Variants in FPR2 observed in about 807,000 individuals in gnomAD.
FPR2 encodes N-formyl peptide receptor 2.
Under a neutral mutation model 4.0 loss-of-function variants are expected in FPR2, and 3 were observed. The observed-to-expected ratio is 0.74, with a 90% confidence interval of 0.34 to 1.92. FPR2 has a LOEUF of 1.92. FPR2 is among the 30% of genes most tolerant of loss of function. The probability of loss-of-function intolerance (pLI) is 0.07; values close to 1 mark genes in which losing one functional copy is unlikely to be tolerated. For missense variants in FPR2, 372 were observed against 435.7 expected (o/e 0.85, Z 1.30); for synonymous variants, 179 against 171.5 (o/e 1.04, Z -0.34).
chr19:51,764,638 T>C (rs2083859200), intron 1 of FPR2, among the ~76,000 whole-genome samples: 1 of 152,204 alleles, frequency 6.6e-6, no homozygotes, highest in South Asian at 2.1e-4. Context: ...TCAGAGATGA[T>C]AAAATATATA....
rs1424512055 is a variant in FPR2, at chr19:51,769,539, A to G, written c.881A>G (p.Asn294Ser). ...CCAACGAGCTCCCTGGCCTTCTTCAACAGCTGCCTCAACCCCATGCTTTAC... is the reference window on the plus strand; with the variant it reads ...CCAACGAGCTCCCTGGCCTTCTTCAGCAGCTGCCTCAACCCCATGCTTTAC... ...VNPTSSLAFF[N>S]SCLNPMLYVF... The change falls in exon 2 of 2, where the codon AAC (asparagine) becomes AGC (serine). Residue 294 changes from asparagine to serine, a missense_variant. Coordinates refer to ENST00000340023, the MANE Select transcript of FPR2 (RefSeq NM_001005738.2). The surrounding 1 kb of genome is among the most constrained non-coding windows in gnomAD (Gnocchi z 4.4). 6.2e-7 allele frequency: 1 copy of G among 1,614,204 alleles called. No individual in the cohort carries two copies. Among genetic ancestry groups the G allele is most frequent in the South Asian group, 1.1e-5 (1 of 91,078 alleles).
rs779904780 is a variant in FPR2 at position 51,768,750 on chromosome 19, T to G, written c.92T>G (p.Val31Gly). 3 of 1,614,174 alleles carry G rather than the reference T, an allele frequency of 1.9e-6. No individual in the cohort carries two copies. Among genetic ancestry groups the G allele is most frequent in the Non-Finnish European group, 2.5e-6 (3 of 1,180,024 alleles). ...ACTGTTCTGCGGATCCTCCCATTGG[T>G]GGTGCTTGGGGTCACCTTTGTCCTC... Reference protein sequence around the residue: ...GYTVLRILPLVVLGVTFVLGV... With the variant: ...GYTVLRILPLGVLGVTFVLGV... Residue 31 changes from valine to glycine, a missense_variant, in exon 2 of 2, where the codon GTG (valine) becomes GGG (glycine). Physicochemically the swap from Val to Gly is moderately radical, Grantham distance 109. Transcript: ENST00000340023.
intron 1 of FPR2, among the ~76,000 whole-genome samples, chr19:51,766,563 A>G (rs2083869545): frequency 6.6e-6 from 1 of 152,194 alleles, no homozygotes; most frequent in Non-Finnish European, 1.5e-5. Flanking sequence ...AAATCACCAG[A>G]CTGAGGCATA....
At chr19:51,761,917 G>A (rs928188101) in intron 1 of FPR2, among the ~76,000 whole-genome samples, 3 of 152,180 alleles carry the variant, frequency 2.0e-5, no homozygotes, top group East Asian at 1.9e-4. Context: ...CAAGGAATCA[G>A]AGCCCGTTAT....
Position 51,769,323 on chromosome 19 carries a change from G to A in FPR2, c.665G>A (p.Gly222Glu), listed in dbSNP as rs1317950961. The change falls in exon 2 of 2, where the codon GGG becomes GAG. Residue 222 changes from glycine to glutamate, a missense_variant. Gly to Glu is a moderately conservative substitution (Grantham distance 98). Coordinates refer to ENST00000340023, the MANE Select transcript of FPR2 (RefSeq NM_001005738.2). This position sits in a 1 kb window ranked among gnomAD's most constrained non-coding sequence, Gnocchi z 4.4. The part of the protein sequence containing the change: ...LPMSIVAICY[G>E]LIAAKIHKKG... Reference sequence around the variant, plus strand: ...ATGTCCATTGTTGCCATCTGCTATGGGCTCATTGCAGCCAAGATCCACAAA... The same window carrying A: ...ATGTCCATTGTTGCCATCTGCTATGAGCTCATTGCAGCCAAGATCCACAAA... 2 of 1,614,092 alleles carry A rather than the reference G, an allele frequency of 1.2e-6. No homozygotes were observed. The highest frequency in any genetic ancestry group is 1.7e-6 in the Non-Finnish European group (2 of 1,180,026).
chr19:51,766,529 A>G (rs1343757723), intron 1 of FPR2, among the ~76,000 whole-genome samples: 1 of 152,218 alleles, frequency 6.6e-6, no homozygotes, highest in Non-Finnish European at 1.5e-5. Context: ...AAAAGGAGGA[A>G]ATAAGGAAAA....
chr19:51,769,311 C>T lies in FPR2; in HGVS notation c.653C>T (p.Ala218Val), dbSNP rs2122367113. The T allele has an allele frequency of 6.2e-7, 1 of 1,614,150 alleles. No homozygotes were observed. Residue 218 changes from alanine (A) to valine (V), a missense_variant, in exon 2 of 2, where the codon GCC (alanine) becomes GTC (valine). Transcript: ENST00000340023. This position sits in a 1 kb window ranked among gnomAD's most constrained non-coding sequence, Gnocchi z 4.4. ...TTTAGCTTGCCGATGTCCATTGTTG[C>T]CATCTGCTATGGGCTCATTGCAGCC... ...IGFSLPMSIV[A>V]ICYGLIAAKI...
At position 51,768,753 on chromosome 19, in the gene FPR2, TGC is replaced by T; in HGVS notation, c.96_97del (p.Leu33TrpfsTer38). On this transcript the variant is annotated frameshift_variant, in exon 2 of 2. Transcript: ENST00000340023. LOFTEE classifies it low-confidence loss of function (END_TRUNC). ...GTTCTGCGGATCCTCCCATTGGTGGTGCTTGGGGTCACCTTTGTCCTCGGGGT... is the reference window on the plus strand; with the variant it reads ...GTTCTGCGGATCCTCCCATTGGTGGTTTGGGGTCACCTTTGTCCTCGGGGT... The T allele has an allele frequency of 6.2e-7, 1 of 1,614,140 alleles. No homozygotes were observed. Among genetic ancestry groups the T allele is most frequent in the Non-Finnish European group, 8.5e-7 (1 of 1,180,022 alleles).
chr19:51,764,453 T>C (rs556852157), intron 1 of FPR2, among the ~76,000 whole-genome samples: 3 of 152,256 alleles, frequency 2.0e-5, no homozygotes, highest in East Asian at 1.9e-4. Flanking sequence ...GGATAGCGAG[T>C]GCGCTGGAGA....
At chr19:51,762,320 T>C (rs146060424) in intron 1 of FPR2, 14,402 of 151,244 alleles carry the variant, frequency 0.095, 839 homozygotes, top group South Asian at 0.19. Flanking sequence ...ACTCCTGACC[T>C]CAGGTGATCC....
Position 51,768,666 on chromosome 19 carries a change from C to A in FPR2, c.8C>A (p.Thr3Asn), listed in dbSNP as rs746562618. Residue 3 changes from threonine to asparagine, a missense_variant, in exon 2 of 2, where the codon ACC becomes AAC. Transcript: ENST00000340023. ...TCAGGTGCTGCTGGCAAGATGGAAA[C>A]CAACTTCTCCACTCCTCTGAATGAA... is the stretch of plus-strand genomic sequence containing the variant. ME[T>N]NFSTPLNEYE... 1 of 1,597,762 alleles carries A rather than the reference C, an allele frequency of 6.3e-7. No individual in the cohort carries two copies. Among genetic ancestry groups the A allele is most frequent in the Admixed American group, 1.7e-5 (1 of 58,420 alleles).
Position 51,770,269 on chromosome 19 carries a change from T to G in FPR2, c.*555T>G, listed in dbSNP as rs1427329713. On this transcript the variant is annotated 3_prime_UTR_variant, in exon 2 of 2. Coordinates refer to ENST00000340023, the MANE Select transcript of FPR2 (RefSeq NM_001005738.2). Reference sequence around the variant, plus strand: ...TAAGTTCTGAATGTTAAACTACTCTTGAATTCCTGGAATAAACCACACTTA... The same window carrying G: ...TAAGTTCTGAATGTTAAACTACTCTGGAATTCCTGGAATAAACCACACTTA... 4 of 167,740 alleles carry G rather than the reference T, an allele frequency of 2.4e-5. No homozygotes were observed. The highest frequency in any genetic ancestry group is 9.6e-5 in the African/African-American group (4 of 41,474). The allele number at this position is 167,740 out of a possible 1,614,324, so 10.4% of individuals were successfully genotyped here.
intron 1 of FPR2, among the ~76,000 whole-genome samples, chr19:51,764,097 T>C (rs1252245274): frequency 2.0e-5 from 3 of 152,126 alleles, no homozygotes; most frequent in South Asian, 2.1e-4. Flanking sequence ...ATATGATTTA[T>C]GTAATGTTTA....
At chr19:51,767,332 T>C (rs552520504) in intron 1 of FPR2, among the ~76,000 whole-genome samples, 1 of 152,318 alleles carries the variant, frequency 6.6e-6, no homozygotes, top group South Asian at 2.1e-4. Flanking sequence ...ATATTACAGA[T>C]GTGATCCGGA....
Position 51,764,570 on chromosome 19 carries a change from C to T in FPR2, c.-15+3340C>T, listed in dbSNP as rs116883129. Among the ~76,000 whole-genome samples, 345 of 152,198 alleles carry T rather than the reference C, an allele frequency of 2.3e-3. 3 individuals carry two copies. The East Asian group carries it at 0.038, about 17-fold the overall frequency. ...TGAAAGTCACTTCCGCTCTCTGAGC[C>T]GTACTTTCCTACCTGTTACACAAGG... On this transcript the variant is annotated intron_variant, in intron 1 of 1. Transcript: ENST00000340023.
chr19:51,767,826 G>T (rs1000288991), intron 1 of FPR2, among the ~76,000 whole-genome samples: 1 of 151,970 alleles, frequency 6.6e-6, no homozygotes, highest in South Asian at 2.1e-4. Flanking sequence ...AGGCCAAACC[G>T]GATCCCATAT....
At chr19:51,768,259 T>C (rs1185578724) in intron 1 of FPR2, 1 of 173,532 alleles carries the variant, frequency 5.8e-6, no homozygotes, top group African/African-American at 2.4e-5. Flanking sequence ...TGCCAGCATG[T>C]TTGCATTGAA....
chr19:51,761,655 TA>T (rs1351797787), intron 1 of FPR2, among the ~76,000 whole-genome samples: 3 of 152,178 alleles, frequency 2.0e-5, no homozygotes, highest in Admixed American at 6.5e-5. Context: ...TAGCCAGGCG[TA>T]GTGGTGGGAG....
At chr19:51,761,950 C>T (rs763872001) in intron 1 of FPR2, among the ~76,000 whole-genome samples, 2 of 152,018 alleles carry the variant, frequency 1.3e-5, no homozygotes, top group African/African-American at 2.4e-5. Context: ...GTGTGTCCCA[C>T]GAGAGTGCAG....
Sources: gnomAD v4.1 joint callset for allele counts (sites outside exome capture counted in the v4.1 genomes callset) on GRCh38, gnomAD v4.1.1 for gene constraint, Gnocchi (gnomAD v3.1) non-coding constraint, MANE v1.5 for transcripts, NCBI Gene and HGNC (gene_info 2026-07-23, HGNC 2026-07-21) for gene names.